TLL1: variants seen among roughly 807,000 people sequenced by gnomAD.
TLL1 encodes tolloid-like protein 1.
A neutral mutation model predicts 128.2 loss-of-function variants in TLL1; 49 were observed. That is an observed-to-expected ratio of 0.38 (90% CI 0.30 to 0.48). The LOEUF is 0.48. TLL1 is among the 20% of genes least tolerant of loss of function. TLL1 has a pLI of 0.96. For missense variants in TLL1, 1,123 were observed against 1,242.0 expected (o/e 0.90, Z 1.44); for synonymous variants, 454 against 418.8 (o/e 1.08, Z -1.03).
chr4:165,878,136 T>G (rs1322717515), intron 1 of TLL1, among the ~76,000 whole-genome samples: 1 of 152,194 alleles, frequency 6.6e-6, no homozygotes, highest in Non-Finnish European at 1.5e-5. Flanking sequence ...CTAGGTAACA[T>G]TGCCTCATTC....
At chr4:165,983,459 A>G (rs1736244088) in intron 1 of TLL1, among the ~76,000 whole-genome samples, 1 of 151,894 alleles carries the variant, frequency 6.6e-6, no homozygotes, top group Non-Finnish European at 1.5e-5. Flanking sequence ...ATCAATTTTG[A>G]TTCATCTTGA....
chr4:166,066,125 C>T (rs997981902), intron 16 of TLL1, among the ~76,000 whole-genome samples: 1 of 151,602 alleles, frequency 6.6e-6, no homozygotes, highest in African/African-American at 2.4e-5. Context: ...AAAATGTAGT[C>T]TCATTTTAGC....
chr4:165,910,696 A>C (rs1326510403), intron 1 of TLL1, among the ~76,000 whole-genome samples: 1 of 152,206 alleles, frequency 6.6e-6, no homozygotes, highest in African/African-American at 2.4e-5. Flanking sequence ...TGGAATTTGC[A>C]CCAGTACTAA....
chr4:165,891,235 A>G (rs1461889620), intron 1 of TLL1, among the ~76,000 whole-genome samples: 1 of 152,144 alleles, frequency 6.6e-6, no homozygotes, highest in Non-Finnish European at 1.5e-5. Flanking sequence ...GACCTCTGAC[A>G]TGCCCTGGAG....
intron 18 of TLL1, among the ~76,000 whole-genome samples, chr4:166,085,819 A>T (rs1227684142): frequency 1.3e-5 from 2 of 152,130 alleles, no homozygotes; most frequent in African/African-American, 2.4e-5. Context: ...TCAGTTTAGA[A>T]GCAAGGAAAA....
chr4:165,989,283 C>G (rs1368096045), intron 1 of TLL1, 98 bp from the exon 2 acceptor site: 1 of 885,710 alleles, frequency 1.1e-6, no homozygotes, highest in Non-Finnish European at 1.8e-6. Context: ...CTATCCAGAC[C>G]ACGTTTCCAT....
At chr4:165,930,642 C>T (rs1475860062) in intron 1 of TLL1, among the ~76,000 whole-genome samples, 1 of 152,116 alleles carries the variant, frequency 6.6e-6, no homozygotes, top group East Asian at 1.9e-4. Context: ...CCTGCATTAA[C>T]TAAACACCTT....
At chr4:165,994,653 T>G in intron 4 of TLL1, 120 bp downstream of exon 4, 1 of 1,177,946 alleles carries the variant, frequency 8.5e-7, no homozygotes, top group Non-Finnish European at 1.2e-6. Context: ...GTTGGAAAAC[T>G]ACTTCATTAA....
chr4:165,919,715 C>T (rs534464682), intron 1 of TLL1: 146 of 420,628 alleles, frequency 3.5e-4, no homozygotes, highest in African/African-American at 2.4e-3. Flanking sequence ...CTTGCTGTGG[C>T]GGGATAATGT....
intron 12 of TLL1, among the ~76,000 whole-genome samples, chr4:166,043,911 A>G (rs1171302365): frequency 6.6e-5 from 10 of 151,998 alleles, no homozygotes; most frequent in Admixed American, 5.9e-4. Context: ...AATATTCATC[A>G]GGGAGATCAG....
chr4:165,965,963 G>A (rs796130693), intron 1 of TLL1, among the ~76,000 whole-genome samples: 1 of 151,968 alleles, frequency 6.6e-6, no homozygotes, highest in Non-Finnish European at 1.5e-5. Context: ...GGTGGATCAC[G>A]AGGTCAGGAG....
At chr4:165,993,263 T>C (rs1052586970) in intron 3 of TLL1, among the ~76,000 whole-genome samples, 1 of 151,940 alleles carries the variant, frequency 6.6e-6, no homozygotes, top group African/African-American at 2.4e-5. Context: ...TAAAGTAAAA[T>C]GAAAAACTTA....
chr4:165,912,602 C>T (rs865815128), intron 1 of TLL1, among the ~76,000 whole-genome samples: 1 of 152,194 alleles, frequency 6.6e-6, no homozygotes, highest in Non-Finnish European at 1.5e-5. Flanking sequence ...TCAGGCACAG[C>T]CTGATTAGAA....
chr4:165,892,582 C>T (rs576282193), intron 1 of TLL1, among the ~76,000 whole-genome samples: 1 of 152,082 alleles, frequency 6.6e-6, no homozygotes, highest in African/African-American at 2.4e-5. Context: ...CCCTTTATGC[C>T]TCTTTTCTTT....
chr4:165,911,320 C>G (rs1452477913), intron 1 of TLL1, among the ~76,000 whole-genome samples: 3 of 152,188 alleles, frequency 2.0e-5, no homozygotes, highest in Non-Finnish European at 4.4e-5. Flanking sequence ...ACTTATTACA[C>G]TTAACATAAT....
At chr4:165,928,555 T>C (rs1054393098) in intron 1 of TLL1, among the ~76,000 whole-genome samples, 1 of 152,210 alleles carries the variant, frequency 6.6e-6, no homozygotes, top group Non-Finnish European at 1.5e-5. Context: ...CAAAAAGCCC[T>C]GGGATGTTCT....
chr4:166,030,908 A>T (rs951030669), intron 9 of TLL1: 1 of 983,276 alleles, frequency 1.0e-6, no homozygotes, highest in African/African-American at 1.7e-5. Flanking sequence ...GTTTCACTGG[A>T]TATAGTTGGC....
In TLL1 at chr4:165,933,058, G is replaced by A. The variant is rs563243631; in HGVS notation, c.170-56323G>A. 5.5e-4 allele frequency among the ~76,000 whole-genome samples: 84 copies of A among 152,262 alleles called. 1 individual carries two copies. Among genetic ancestry groups the A allele is most frequent in the Non-Finnish European group, 8.4e-4 (57 of 68,024 alleles). On this transcript the variant is annotated intron_variant, in intron 1 of 20. Coordinates refer to ENST00000061240, the MANE Select transcript of TLL1 (RefSeq NM_012464.5). ...GCATGAGACATCACAATTTTATACT[G>A]TACTATATGTGCAAAACCAATACTC...
intron 1 of TLL1, chr4:165,874,863 C>G (rs1450325651): frequency 1.3e-5 from 2 of 152,346 alleles, no homozygotes; most frequent in Non-Finnish European, 2.9e-5. Context: ...GCCTCTCGCG[C>G]GCGCGGGGCG....
Sources: gnomAD v4.1 joint callset for allele counts (sites outside exome capture counted in the v4.1 genomes callset) on GRCh38, gnomAD v4.1.1 for gene constraint, MANE v1.5 for transcripts, NCBI Gene and HGNC (gene_info 2026-07-23, HGNC 2026-07-21) for gene names.